Variants in STK31 observed in about 807,000 individuals in gnomAD.
STK31 encodes the protein serine/threonine-protein kinase 31.
A neutral mutation model predicts 129.7 loss-of-function variants in STK31; 89 were observed. The observed-to-expected ratio is 0.69, with a 90% CI of 0.58 to 0.82. STK31 has a LOEUF of 0.82. Among genes scored for constraint, STK31 ranks in the 40% least tolerant of loss-of-function variants. STK31 has a pLI of 0.00. For synonymous variants in STK31, 448 were observed against 395.3 expected, an observed-to-expected ratio of 1.13 and a Z score of -1.58; for missense variants, 1,187 against 1,176.4, an observed-to-expected ratio of 1.01 and a Z score of -0.13.
intron 6 of STK31, among the ~76,000 whole-genome samples, chr7:23,731,080 C>T (rs1314771682): frequency 1.3e-5 from 2 of 151,264 alleles, no homozygotes; most frequent in African/African-American, 2.4e-5. Context: ...GGTGGGGTTT[C>T]ACCATGTTGG....
In STK31 at chr7:23,754,406, A is replaced by T. The variant is rs781009736; in HGVS notation, c.1225A>T (p.Asn409Tyr). 1 of 1,614,098 alleles carries T rather than the reference A, an allele frequency of 6.2e-7. No individual in the cohort carries two copies. Among genetic ancestry groups the T allele is most frequent in the Non-Finnish European group, 8.5e-7 (1 of 1,179,954 alleles). ...EGCFTTPASL[N>Y]GLEIIWAEYS... The stretch of plus-strand genomic sequence containing the variant: ...GTGCTTTACTACTCCAGCTTCTTTG[A>T]ATGGATTAGAGATAATATGGGCAGA... Residue 409 changes from asparagine to tyrosine, a missense_variant, in exon 10 of 24, where the codon AAT (asparagine) becomes TAT (tyrosine). Coordinates refer to ENST00000355870, the MANE Select transcript of STK31 (RefSeq NM_031414.5).
At chr7:23,826,593 T>C (rs1449942749) in intron 23 of STK31, among the ~76,000 whole-genome samples, 3 of 152,214 alleles carry the variant, frequency 2.0e-5, no homozygotes, top group Non-Finnish European at 2.9e-5. Context: ...ATTTAGCCCA[T>C]TTACATTTAA....
At chr7:23,744,191 A>T (rs1480246094) in intron 8 of STK31, among the ~76,000 whole-genome samples, 2 of 151,670 alleles carry the variant, frequency 1.3e-5, no homozygotes, top group East Asian at 3.9e-4. Flanking sequence ...AAGTGCTGGG[A>T]TTATAGGCGT....
chr7:23,720,131 T>C (rs368212638), intron 4 of STK31, among the ~76,000 whole-genome samples: 2 of 152,120 alleles, frequency 1.3e-5, no homozygotes, highest in African/African-American at 4.8e-5. Context: ...GTGTGTGATA[T>C]TAAGTACAAA....
rs540118673 is a variant in STK31, at chr7:23,779,515, C to G, written c.1966-1904C>G. Among the ~76,000 whole-genome samples the G allele has an allele frequency of 4.0e-4, 61 of 152,342 alleles. 1 individual carries two copies. The South Asian group carries it at 0.013, about 32-fold the overall frequency. On this transcript the variant is annotated intron_variant, in intron 15 of 23. Coordinates refer to ENST00000355870, the MANE Select transcript of STK31 (RefSeq NM_031414.5). Reference sequence around the variant, plus strand: ...ATAAGCCCCTGACTGGGGCTTCTATCTTTCATTCAGAGATGCCCTGCCCAG... The same window carrying G: ...ATAAGCCCCTGACTGGGGCTTCTATGTTTCATTCAGAGATGCCCTGCCCAG...
chr7:23,795,637 C>G (rs1225182308), intron 22 of STK31, among the ~76,000 whole-genome samples: 3 of 152,184 alleles, frequency 2.0e-5, no homozygotes, highest in African/African-American at 7.2e-5. Flanking sequence ...TCAATGCCAG[C>G]CCATGAAAGC....
intron 4 of STK31, chr7:23,725,883 CAG>C (rs977001516): frequency 1.3e-5 from 2 of 152,204 alleles, no homozygotes; most frequent in African/African-American, 4.8e-5. Flanking sequence ...ACAAGGGACT[CAG>C]GGTGCTTCCA....
At chr7:23,799,044 A>G (rs906638171) in intron 22 of STK31, among the ~76,000 whole-genome samples, 2 of 152,216 alleles carry the variant, frequency 1.3e-5, no homozygotes, top group Non-Finnish European at 2.9e-5. Context: ...AGGGATGTGA[A>G]GGACCTCTTC....
intron 8 of STK31, among the ~76,000 whole-genome samples, chr7:23,752,291 A>G (rs1788756595): frequency 6.6e-6 from 1 of 152,188 alleles, no homozygotes; most frequent in Admixed American, 6.5e-5. Context: ...TTAAAAATAA[A>G]TATTAATTTG....
At chr7:23,806,964 C>A (rs1437379772) in intron 22 of STK31, among the ~76,000 whole-genome samples, 1 of 151,554 alleles carries the variant, frequency 6.6e-6, no homozygotes, top group African/African-American at 2.4e-5. Context: ...TCTTTAGTAC[C>A]CTTCCCTGTA....
chr7:23,808,435 C>A (rs1792858444), intron 22 of STK31, among the ~76,000 whole-genome samples: 1 of 152,010 alleles, frequency 6.6e-6, no homozygotes, highest in Admixed American at 6.6e-5. Context: ...TGCCTTGTTG[C>A]TACCTGGTGA....
At position 23,735,780 on chromosome 7, in the gene STK31, G is replaced by GT. The variant is rs1787680346; in HGVS notation, c.727dup (p.Trp243LeufsTer4). ...GGAACCTCAAAAGCCCCATTCCTTTGTGGGGGCATAGATCAAACCAGTCAA... is the reference window on the plus strand; with the variant it reads ...GGAACCTCAAAAGCCCCATTCCTTTGTTGGGGGCATAGATCAAACCAGTCAA... On this transcript the variant is annotated frameshift_variant, in exon 7 of 24. Coordinates refer to ENST00000355870, the MANE Select transcript of STK31 (RefSeq NM_031414.5). LOFTEE classifies it high-confidence loss of function. The GT allele has an allele frequency of 6.2e-7, 1 of 1,614,180 alleles. No individual in the cohort carries two copies. The highest frequency in any genetic ancestry group is 1.3e-5 in the African/African-American group (1 of 75,056).
rs889008102 is a variant in STK31, at chr7:23,801,184, A to G, written c.2760+10238A>G. On this transcript the variant is annotated intron_variant, in intron 22 of 23. Transcript: ENST00000355870. ...TTTTGATTTTCACCTGCAATTTATG[A>G]AAGTTTCAGTTCAGCATCATTGTCG... Among the ~76,000 whole-genome samples the G allele has an allele frequency of 3.3e-5, 5 of 152,286 alleles. 1 individual carries two copies. Among genetic ancestry groups the G allele is most frequent in the Admixed American group, 2.6e-4 (4 of 15,286 alleles).
intron 23 of STK31, among the ~76,000 whole-genome samples, chr7:23,826,077 G>A (rs1472975420): frequency 6.6e-6 from 1 of 152,192 alleles, no homozygotes; most frequent in Non-Finnish European, 1.5e-5. Flanking sequence ...ATATTCTGTT[G>A]ATTTGGGGTG....
At position 23,769,154 on chromosome 7, in the gene STK31, T is replaced by C; in HGVS notation, c.1576T>C (p.Trp526Arg). ...TDASLHRLVA[W>R]FQRTLKVFDL... ...CGCTTCTCTGCACCGTCTTGTAGCA[T>C]GGTTCCAAAGAACCTTAAAGGTAAT... Residue 526 changes from tryptophan to arginine, a missense_variant, in exon 12 of 24, where the codon TGG becomes CGG. Trp to Arg is a moderately radical substitution (Grantham distance 101, BLOSUM62 -3). Coordinates refer to ENST00000355870, the MANE Select transcript of STK31 (RefSeq NM_031414.5). The C allele has an allele frequency of 1.3e-6, 2 of 1,597,960 alleles. No individual in the cohort carries two copies. Among genetic ancestry groups the C allele is most frequent in the South Asian group, 2.3e-5 (2 of 86,812 alleles).
At chr7:23,824,892 G>C (rs1301887886) in intron 23 of STK31, among the ~76,000 whole-genome samples, 2 of 151,788 alleles carry the variant, frequency 1.3e-5, no homozygotes, top group Non-Finnish European at 2.9e-5. Flanking sequence ...TTATATGCTG[G>C]ATTACGTTTA....
intron 22 of STK31, among the ~76,000 whole-genome samples, chr7:23,810,610 A>T (rs566471162): frequency 7.4e-6 from 1 of 135,560 alleles, no homozygotes; most frequent in African/African-American, 2.7e-5. Flanking sequence ...TTATATATAT[A>T]TATATATAAT....
chr7:23,786,614 T>C lies in STK31; in HGVS notation c.2381T>C (p.Ile794Thr). 6.2e-7 allele frequency: 1 copy of C among 1,613,304 alleles called. No homozygotes were observed. Residue 794 changes from isoleucine (I) to threonine (T), a missense_variant, in exon 19 of 24, where the codon ATA becomes ACA. Around this residue, in one of 5 missense-constraint regions of STK31, gnomAD observed 975 missense variants for 934.9 expected, o/e 1.04. Transcript: ENST00000355870. Reference sequence around the variant, plus strand: ...GGAGACTCAGGGTTACTGCCATTGATATTCCTGTTTTTATGTAAGGTAAAG... The same window carrying C: ...GGAGACTCAGGGTTACTGCCATTGACATTCCTGTTTTTATGTAAGGTAAAG... ...AEGDSGLLPL[I>T]FLFLCKSDPM...
intron 15 of STK31, among the ~76,000 whole-genome samples, chr7:23,780,315 CTT>C (rs1040547548): frequency 1.3e-5 from 2 of 152,186 alleles, no homozygotes; most frequent in African/African-American, 4.8e-5. Context: ...TGAAATCTGA[CTT>C]TTAAAGTGTA....
Sources: allele counts gnomAD v4.1 joint callset (sites outside exome capture counted in the v4.1 genomes callset), GRCh38; gene constraint gnomAD v4.1.1; regional missense constraint gnomAD v4.1.1; transcripts MANE v1.5; gene names NCBI Gene and HGNC (gene_info 2026-07-23, HGNC 2026-07-21).